The following DISC1 variants were observed in gnomAD, a reference collection of about 807,000 sequenced individuals.
The protein encoded by DISC1 is disrupted in schizophrenia 1 protein.
DISC1 carries 57 observed loss-of-function variants against 84.5 expected under a neutral mutation model. The ratio of observed to expected loss-of-function variants is 0.67; its 90% CI spans 0.55 to 0.84. The LOEUF (loss-of-function observed/expected upper bound fraction) is 0.84. Among genes scored for constraint, DISC1 ranks in the 40% least tolerant of loss-of-function variants. DISC1 has a pLI of 0.00. For synonymous variants in DISC1, 411 were observed against 415.2 expected, an observed-to-expected ratio of 0.99 and a Z score of 0.12; for missense variants, 1,000 against 1,057.8, an observed-to-expected ratio of 0.95 and a Z score of 0.76.
intron 3 of DISC1, among the ~76,000 whole-genome samples, chr1:231,733,207 G>A (rs755036875): frequency 1.4e-5 from 2 of 143,830 alleles, no homozygotes; most frequent in African/African-American, 5.1e-5. Context: ...TGCTCAGGAA[G>A]AGTGTAGGAG....
chr1:231,680,056 C>T (rs2063536633), intron 1 of DISC1, among the ~76,000 whole-genome samples: 1 of 152,052 alleles, frequency 6.6e-6, no homozygotes, highest in Non-Finnish European at 1.5e-5. Context: ...GGGGAAACCC[C>T]GTCTCTACTA....
chr1:231,725,499 T>A (rs559491968), intron 3 of DISC1, among the ~76,000 whole-genome samples: 45 of 152,242 alleles, frequency 3.0e-4, no homozygotes, highest in South Asian at 2.3e-3. Flanking sequence ...ACCCCTCAAT[T>A]TGCACTAGCT....
At chr1:231,884,113 C>T (rs11122362) in intron 9 of DISC1, among the ~76,000 whole-genome samples, 18,291 of 152,020 alleles carry the variant, frequency 0.12, 1,234 homozygotes, top group East Asian at 0.32. Context: ...ACTCGGGACC[C>T]GGCCACTCAG....
intron 9 of DISC1, among the ~76,000 whole-genome samples, chr1:231,912,742 CTT>C (rs2089311134): frequency 4.0e-4 from 53 of 132,564 alleles, no homozygotes; most frequent in Admixed American, 7.1e-4. Context: ...GCAGCTTGCT[CTT>C]CTTTCTTTCT....
chr1:231,807,522 TGG>T (rs2079835691), intron 8 of DISC1, among the ~76,000 whole-genome samples: 1 of 152,248 alleles, frequency 6.6e-6, no homozygotes. Flanking sequence ...CCTCATTCAT[TGG>T]TTGCTGATCC....
chr1:231,842,142 A>G (rs1220381116), intron 9 of DISC1, among the ~76,000 whole-genome samples: 5 of 151,998 alleles, frequency 3.3e-5, no homozygotes, highest in South Asian at 2.1e-4. Context: ...GACTACAGGC[A>G]TGCACCACCA....
chr1:231,693,315 T>C (rs1360943260), intron 1 of DISC1, among the ~76,000 whole-genome samples: 3 of 152,276 alleles, frequency 2.0e-5, no homozygotes, highest in Non-Finnish European at 4.4e-5. Context: ...CAGCTATCCA[T>C]GGTCTGCAGC....
At chr1:231,650,475 C>T (rs1190544487) in intron 1 of DISC1, among the ~76,000 whole-genome samples, 2 of 152,216 alleles carry the variant, frequency 1.3e-5, no homozygotes, top group Non-Finnish European at 2.9e-5. Context: ...CCCGACCTTT[C>T]TCTCTGGCTG....
intron 6 of DISC1, among the ~76,000 whole-genome samples, chr1:231,772,626 C>T (rs2076640874): frequency 6.6e-6 from 1 of 152,174 alleles, no homozygotes; most frequent in South Asian, 2.1e-4. Context: ...AAACTCTCAG[C>T]AGAGCCTGGA....
At chr1:231,869,381 A>G (rs4658888) in intron 9 of DISC1, among the ~76,000 whole-genome samples, 135,502 of 152,150 alleles carry the variant, frequency 0.89, 60,434 homozygotes, top group East Asian at 0.99. Context: ...GAGATGTCAA[A>G]GATGAAGACC....
intron 9 of DISC1, among the ~76,000 whole-genome samples, chr1:231,937,062 A>G (rs539492956): frequency 2.6e-5 from 4 of 152,276 alleles, no homozygotes; most frequent in African/African-American, 7.2e-5. Flanking sequence ...AGATACTACA[A>G]TCCTTCAAAC....
intron 10 of DISC1, among the ~76,000 whole-genome samples, chr1:231,976,733 T>A (rs1344178195): frequency 6.6e-6 from 1 of 152,226 alleles, no homozygotes; most frequent in Non-Finnish European, 1.5e-5. Context: ...AAACAAGAGC[T>A]TTTAAAAATG....
intron 9 of DISC1, among the ~76,000 whole-genome samples, chr1:231,935,980 A>G (rs1399296767): frequency 6.6e-6 from 1 of 152,116 alleles, no homozygotes; most frequent in Non-Finnish European, 1.5e-5. Flanking sequence ...ATTCTTCCCA[A>G]CGTAATTAAA....
chr1:231,805,735 C>T (rs75171716), intron 8 of DISC1, among the ~76,000 whole-genome samples: 1,690 of 152,214 alleles, frequency 0.011, 16 homozygotes, highest in Non-Finnish European at 0.015. Context: ...CGGGCCCCAC[C>T]TCCAGCACTG....
At position 231,675,335 on chromosome 1, in the gene DISC1, C is replaced by T. The variant is rs368326418; in HGVS notation, c.68-18491C>T. Among the ~76,000 whole-genome samples, 1 of 151,960 alleles carries T rather than the reference C, an allele frequency of 6.6e-6. No homozygotes were observed. The highest frequency in any genetic ancestry group is 2.4e-5 in the African/African-American group (1 of 41,356). On this transcript the variant is annotated intron_variant, in intron 1 of 12. Transcript: ENST00000439617. This position sits in a 1 kb window ranked among gnomAD's most constrained non-coding sequence, Gnocchi z 4.1. ...TCTCTCTCCCTGCCTCTTCCCCAGC[C>T]CTACCCTATTGCACATTTTAGTGTG... is the stretch of plus-strand genomic sequence containing the variant.
At chr1:231,855,997 T>C (rs73093434) in intron 9 of DISC1, among the ~76,000 whole-genome samples, 8,151 of 152,300 alleles carry the variant, frequency 0.054, 712 homozygotes, top group African/African-American at 0.18. Flanking sequence ...GGTGACTATC[T>C]GGCGATGACA....
chr1:232,020,383 C>G (rs777826840), intron 11 of DISC1, among the ~76,000 whole-genome samples: 28 of 152,108 alleles, frequency 1.8e-4, no homozygotes, highest in Non-Finnish European at 3.7e-4. Flanking sequence ...ATTCTTCAAG[C>G]CTCTTTTCTT....
At chr1:232,003,845 C>T (rs1667015538) in intron 10 of DISC1, among the ~76,000 whole-genome samples, 1 of 151,934 alleles carries the variant, frequency 6.6e-6, no homozygotes, top group Non-Finnish European at 1.5e-5. Flanking sequence ...ACAAGGGAAC[C>T]ATTAGGAAAG....
At chr1:231,865,867 G>T (rs577908497) in intron 9 of DISC1, among the ~76,000 whole-genome samples, 2 of 152,188 alleles carry the variant, frequency 1.3e-5, no homozygotes, top group African/African-American at 4.8e-5. Flanking sequence ...AGATATGGCA[G>T]CTTAGGAATC....
Sources: gnomAD v4.1 joint callset for allele counts (sites outside exome capture counted in the v4.1 genomes callset) on GRCh38, gnomAD v4.1.1 for gene constraint, Gnocchi (gnomAD v3.1) non-coding constraint, MANE v1.5 for transcripts, NCBI Gene and HGNC (gene_info 2026-07-23, HGNC 2026-07-21) for gene names.